The following RNF130 variants were observed in gnomAD, a reference collection of about 807,000 sequenced individuals.
RNF130 encodes the protein E3 ubiquitin-protein ligase RNF130.
Under a neutral mutation model 44.6 loss-of-function variants are expected in RNF130, and 21 were observed. The observed-to-expected ratio is 0.47, with a 90% confidence interval of 0.33 to 0.68. The LOEUF is 0.68. RNF130 is among the 30% of genes least tolerant of loss of function. The pLI, the probability that RNF130 is intolerant of heterozygous loss-of-function variation, is 0.02. For synonymous variants in RNF130, 214 were observed against 210.4 expected (o/e 1.02, Z -0.15); for missense variants, 479 against 560.6 (o/e 0.85, Z 1.47).
chr5:179,983,001 A>G (rs1762871886), intron 3 of RNF130, among the ~76,000 whole-genome samples: 1 of 152,152 alleles, frequency 6.6e-6, no homozygotes, highest in South Asian at 2.1e-4. Context: ...TTTTGCCTAT[A>G]TGTGTACATT....
chr5:179,989,874 T>C (rs1272274259), intron 3 of RNF130, among the ~76,000 whole-genome samples: 3 of 152,210 alleles, frequency 2.0e-5, no homozygotes, highest in Non-Finnish European at 4.4e-5. Flanking sequence ...CTTCGTGTAA[T>C]TGTTTTATGA....
At chr5:179,997,777 G>C (rs1463677155) in intron 3 of RNF130, among the ~76,000 whole-genome samples, 1 of 150,942 alleles carries the variant, frequency 6.6e-6, no homozygotes, top group Non-Finnish European at 1.5e-5. Context: ...CTTTAGTCTT[G>C]ATTTCACTTA....
At chr5:179,988,773 A>C (rs924679841) in intron 3 of RNF130, among the ~76,000 whole-genome samples, 1 of 152,144 alleles carries the variant, frequency 6.6e-6, no homozygotes, top group Admixed American at 6.5e-5. Flanking sequence ...CTATTTTTAA[A>C]AATTTGTTGA....
At chr5:180,069,750 G>A (rs972094228) in intron 1 of RNF130, among the ~76,000 whole-genome samples, 18 of 152,190 alleles carry the variant, frequency 1.2e-4, no homozygotes, top group African/African-American at 4.1e-4. Flanking sequence ...GTAAAGCACA[G>A]GCCTGACTCA....
intron 1 of RNF130, among the ~76,000 whole-genome samples, chr5:180,062,670 C>A (rs1226539514): frequency 5.9e-5 from 9 of 152,268 alleles, no homozygotes; most frequent in African/African-American, 1.7e-4. Context: ...AATACCTGAA[C>A]CATTTTTTTC....
chr5:179,944,705 T>G (rs1762013199), intron 7 of RNF130, among the ~76,000 whole-genome samples: 1 of 151,264 alleles, frequency 6.6e-6, no homozygotes, highest in African/African-American at 2.4e-5. Flanking sequence ...GAGGCTGCAG[T>G]GAACCATGAT....
chr5:179,970,356 AC>A, intron 6 of RNF130, 53 bp downstream of exon 6: 3 of 1,310,370 alleles, frequency 2.3e-6, no homozygotes, highest in Non-Finnish European at 3.2e-6. Context: ...ATATTGTATT[AC>A]ACATACATAT....
In RNF130 at chr5:179,927,690, G is replaced by C. The variant is rs560228760; in HGVS notation, c.1151-7264C>G. ...CGCAAGCTCTGCCTCCCAGGTTCAA[G>C]CAATTCTCCTGCCTCAGTCTCCTGA... On this transcript the variant is annotated intron_variant, in intron 7 of 7. Coordinates refer to the RNF130 transcript ENST00000522208. Among the ~76,000 whole-genome samples the C allele has an allele frequency of 2.7e-5, 4 of 149,328 alleles. No homozygotes were observed. In the East Asian group the frequency reaches 8.0e-4, roughly 30 times the overall value.
chr5:180,023,160 T>C (rs552792890), intron 2 of RNF130, among the ~76,000 whole-genome samples: 78 of 152,186 alleles, frequency 5.1e-4, no homozygotes, highest in Non-Finnish European at 9.0e-4. Context: ...GGCAATATAT[T>C]AGAATTGGAG....
intron 6 of RNF130, 85 bp downstream of exon 6, chr5:179,970,322 GCCT>G (rs1429301074): frequency 2.1e-6 from 2 of 965,470 alleles, no homozygotes; most frequent in African/African-American, 1.7e-5. Flanking sequence ...TCTTAGTCAT[GCCT>G]CCTATTATGC....
At chr5:179,992,547 A>AT (rs1763109236) in intron 3 of RNF130, among the ~76,000 whole-genome samples, 1 of 152,122 alleles carries the variant, frequency 6.6e-6, no homozygotes, top group South Asian at 2.1e-4. Flanking sequence ...CTTACTTGAC[A>AT]TTTTGAGGAT....
At position 179,970,397 on chromosome 5, in the gene RNF130, A is replaced by T. The variant is rs1406765380; in HGVS notation, c.945+13T>A. 6.3e-6 allele frequency: 10 copies of T among 1,588,552 alleles called. No homozygotes were observed. The highest frequency in any genetic ancestry group is 8.6e-6 in the Non-Finnish European group (10 of 1,161,328). ...ATATACAAAAGTGGTAACAAATAAA[A>T]TAGGAAACGTACCACAATTCCCAGG... On this transcript the variant is annotated intron_variant, in intron 6 of 8. Coordinates refer to ENST00000521389, the MANE Select transcript of RNF130 (RefSeq NM_018434.6).
Position 179,963,656 on chromosome 5 carries a change from G to A in RNF130, c.1151-92C>T, listed in dbSNP as rs1009321110. 20 of 885,546 alleles carry A rather than the reference G, an allele frequency of 2.3e-5. No individual in the cohort carries two copies. In the African/African-American group the frequency reaches 2.7e-4, roughly 12 times the overall value. 54.9% of individuals were successfully genotyped at this position (885,546 alleles called of 1,614,324 possible). A position where few individuals can be genotyped will look rare whatever the true frequency, so the allele number is the denominator to read the frequency against. Reference sequence around the variant, plus strand: ...TTCCCTCAAATGCAACGAAGCAGACGTCAACGGAGGTGTAAGCCAAGATTG... The same window carrying A: ...TTCCCTCAAATGCAACGAAGCAGACATCAACGGAGGTGTAAGCCAAGATTG... On this transcript the variant is annotated intron_variant, in intron 7 of 8. Transcript: ENST00000521389.
At chr5:179,929,466 G>A (rs148351282) in intron 7 of RNF130, among the ~76,000 whole-genome samples, 1 of 152,170 alleles carries the variant, frequency 6.6e-6, no homozygotes, top group Admixed American at 6.5e-5. Context: ...TCTAGGATCA[G>A]GCTGGGCGTG....
At chr5:180,026,220 C>T (rs1258688580) in intron 2 of RNF130, among the ~76,000 whole-genome samples, 1 of 151,930 alleles carries the variant, frequency 6.6e-6, no homozygotes, top group East Asian at 1.9e-4. Flanking sequence ...ATCTAAATTA[C>T]CTCATCTTCC....
chr5:180,060,962 G>A (rs1405436621), intron 1 of RNF130, among the ~76,000 whole-genome samples: 2 of 151,818 alleles, frequency 1.3e-5, no homozygotes, highest in Admixed American at 6.6e-5. Context: ...CCAGCTACGC[G>A]GGAGGCTGAG....
chr5:179,936,794 T>C (rs560270821), intron 7 of RNF130, among the ~76,000 whole-genome samples: 4 of 152,238 alleles, frequency 2.6e-5, no homozygotes, highest in East Asian at 3.9e-4. Context: ...TGGAATAAAA[T>C]TGAGAGTCCA....
intron 3 of RNF130, among the ~76,000 whole-genome samples, chr5:180,012,623 T>C (rs1038910703): frequency 1.3e-5 from 2 of 152,214 alleles, no homozygotes; most frequent in Admixed American, 6.5e-5. Context: ...AGGTTTTTCA[T>C]TGATTTCATT....
At chr5:180,032,027 T>C (rs543881716) in intron 2 of RNF130, among the ~76,000 whole-genome samples, 12 of 152,366 alleles carry the variant, frequency 7.9e-5, no homozygotes, top group African/African-American at 2.6e-4. Context: ...TGTCTAATTA[T>C]TAAACCTTTT....
Sources: gnomAD v4.1 joint callset for allele counts (sites outside exome capture counted in the v4.1 genomes callset) on GRCh38, gnomAD v4.1.1 for gene constraint, MANE v1.5 for transcripts, NCBI Gene and HGNC (gene_info 2026-07-23, HGNC 2026-07-21) for gene names.